Variants in OPHN1 observed in about 807,000 individuals in gnomAD.
The protein encoded by OPHN1 is oligophrenin-1.
In OPHN1, 11 loss-of-function variants were observed where a neutral mutation model predicts 60.7. The observed-to-expected ratio is 0.18, with a 90% CI of 0.11 to 0.30. OPHN1 has a LOEUF of 0.30. Ranked by LOEUF, OPHN1 falls within the 10% of genes least tolerant of loss-of-function variation. The probability of loss-of-function intolerance (pLI) is 1.00; values close to 1 mark genes in which losing one functional copy is unlikely to be tolerated. For missense variants in OPHN1, 449 were observed against 611.0 expected, an observed-to-expected ratio of 0.73 and a Z score of 2.80; for synonymous variants, 226 against 222.6, an observed-to-expected ratio of 1.02 and a Z score of -0.14.
At chrX:68,138,027 T>A (rs2077228123) in intron 15 of OPHN1, among the ~76,000 whole-genome samples, 1 of 111,935 alleles carries the variant, frequency 8.9e-6, no homozygotes, top group Admixed American at 9.5e-5. Context: ...AATATCTATC[T>A]CATATTGATT....
chrX:68,423,544 AC>A (rs2078840641), intron 2 of OPHN1, among the ~76,000 whole-genome samples: 1 of 110,093 alleles, frequency 9.1e-6, no homozygotes, highest in South Asian at 3.9e-4. Flanking sequence ...AATGTTCATG[AC>A]CCCAAAGAGA....
intron 5 of OPHN1, among the ~76,000 whole-genome samples, chrX:68,242,254 A>G (rs2077785325): frequency 1.9e-5 from 2 of 107,202 alleles, no homozygotes; most frequent in African/African-American, 6.8e-5. Context: ...GCAGTAGCAC[A>G]TGCCTGTATT....
intron 2 of OPHN1, among the ~76,000 whole-genome samples, chrX:68,364,660 C>G (rs958392865): frequency 2.7e-5 from 3 of 112,192 alleles, no homozygotes; most frequent in Non-Finnish European, 5.6e-5. Context: ...ATTAAGAGAT[C>G]AGAGTTCAGT....
chrX:68,050,380 T>C (rs1287861736), intron 23 of OPHN1, among the ~76,000 whole-genome samples: 5 of 111,280 alleles, frequency 4.5e-5, no homozygotes, highest in African/African-American at 1.6e-4. Context: ...GTGGGTAGAG[T>C]GATATTCTAG....
intron 19 of OPHN1, among the ~76,000 whole-genome samples, chrX:68,094,832 C>T (rs960957160): frequency 3.6e-5 from 4 of 110,944 alleles, no homozygotes; most frequent in African/African-American, 1.3e-4. Context: ...CTTGTTGTAC[C>T]GTGAATATGA....
At chrX:68,345,310 C>T (rs753660254) in intron 2 of OPHN1, among the ~76,000 whole-genome samples, 112 of 111,361 alleles carry the variant, frequency 1.0e-3, no homozygotes, top group Non-Finnish European at 1.3e-3. Flanking sequence ...ATATCTATAC[C>T]CTTTGACCAA....
At chrX:68,246,143 C>A (rs1602267373) in intron 5 of OPHN1, among the ~76,000 whole-genome samples, 1 of 111,765 alleles carries the variant, frequency 8.9e-6, no homozygotes, top group East Asian at 2.8e-4. Context: ...TATCCCCTTC[C>A]TACCACCACT....
At position 68,111,874 on chromosome X, in the gene OPHN1, A is replaced by T. The variant is rs142413712; in HGVS notation, c.1506T>A (p.Leu502=). The change falls in exon 18 of 25, where the codon CTT becomes CTA. Residue 502 remains leucine, a synonymous_variant. Transcript: ENST00000355520. ...LPEKNREMLE[L]LIRHLVNVCE... is the part of the protein sequence containing the mutation. ...CTTACTTGACCAAGTGTCTTATCAG[A>T]AGTTCCAGCATCTCTCGGTTCTTTT... The T allele has an allele frequency of 7.3e-5, 87 of 1,199,740 alleles. No individual in the cohort carries two copies. In the African/African-American group the frequency reaches 1.5e-3, roughly 21 times the overall value.
intron 2 of OPHN1, among the ~76,000 whole-genome samples, chrX:68,352,996 C>G (rs755133083): frequency 1.9e-4 from 20 of 107,175 alleles, no homozygotes; most frequent in South Asian, 4.2e-4. Flanking sequence ...TACAAAAATT[C>G]AAAAAATTAG....
At chrX:68,168,970 T>G (rs2077374672) in intron 15 of OPHN1, among the ~76,000 whole-genome samples, 1 of 111,463 alleles carries the variant, frequency 9.0e-6, no homozygotes, top group Non-Finnish European at 1.9e-5. Flanking sequence ...GTTGACTCTC[T>G]GAATAGACCA....
chrX:68,224,468 G>C (rs2077679731), intron 6 of OPHN1, among the ~76,000 whole-genome samples: 1 of 110,383 alleles, frequency 9.1e-6, no homozygotes, highest in Admixed American at 9.7e-5. Context: ...AACTCGCCTG[G>C]GCAACATGGT....
Position 68,427,277 on chromosome X carries a change from AAAC to A in OPHN1, c.154+5587_154+5589del, listed in dbSNP as rs776470382. Among the ~76,000 whole-genome samples, 737 of 108,897 alleles carry A rather than the reference AAAC, an allele frequency of 6.8e-3. 5 individuals carry two copies. Among genetic ancestry groups the A allele is most frequent in the African/African-American group, 0.024 (702 of 29,743 alleles). The allele number at this position is 108,897 out of a possible 115,157, so 94.6% of individuals were successfully genotyped here. On this transcript the variant is annotated intron_variant, in intron 2 of 24. Coordinates refer to ENST00000355520, the MANE Select transcript of OPHN1 (RefSeq NM_002547.3). Reference sequence around the variant, plus strand: ...CAGTGAACTCTGTCTCAAAAAAAAAAAACAACAACAACAACAAAAAATTCTGTT... The same window carrying A: ...CAGTGAACTCTGTCTCAAAAAAAAAAAACAACAACAACAAAAAATTCTGTT...
At chrX:68,304,735 C>G (rs1188540650) in intron 2 of OPHN1, among the ~76,000 whole-genome samples, 1 of 111,317 alleles carries the variant, frequency 9.0e-6, no homozygotes, top group African/African-American at 3.3e-5. Context: ...ATCTCCATCT[C>G]TGCAGTAACA....
chrX:68,254,879 G>A (rs189970704), intron 5 of OPHN1, among the ~76,000 whole-genome samples: 3 of 109,483 alleles, frequency 2.7e-5, no homozygotes, highest in Non-Finnish European at 5.7e-5. Context: ...TTAGCCAGGC[G>A]TGGTGGCATG....
At chrX:68,261,112 C>T (rs2077891174) in intron 5 of OPHN1, among the ~76,000 whole-genome samples, 1 of 111,498 alleles carries the variant, frequency 9.0e-6, no homozygotes, top group African/African-American at 3.3e-5. Flanking sequence ...ATAGCTTCCA[C>T]ACTAGCTCCC....
chrX:68,071,923 C>A (rs1202302255), intron 20 of OPHN1, among the ~76,000 whole-genome samples: 1 of 111,499 alleles, frequency 9.0e-6, no homozygotes, highest in Non-Finnish European at 1.9e-5. Flanking sequence ...AGAAGGCAAG[C>A]AATGATACCA....
At position 68,170,373 on chromosome X, in the gene OPHN1, G is replaced by A. The variant is rs1277355746; in HGVS notation, c.1276+22546C>T. ...TTCAACCCTTGTGGAAGTCAGTGTG[G>A]CGATTCCTCAGGGATCTAGAACTAG... is the stretch of plus-strand genomic sequence containing the variant. On this transcript the variant is annotated intron_variant, in intron 15 of 24. Transcript: ENST00000355520. 4.7e-5 allele frequency among the ~76,000 whole-genome samples: 5 copies of A among 107,144 alleles called. No individual in the cohort carries two copies. In the East Asian group the frequency reaches 1.5e-3, roughly 31 times the overall value. The allele number at this position is 107,144 out of a possible 115,157, so 93.0% of individuals were successfully genotyped here. A position where few individuals can be genotyped will look rare whatever the true frequency, so the allele number is the denominator to read the frequency against.
chrX:68,311,235 C>T lies in OPHN1; in HGVS notation c.155-12139G>A, dbSNP rs78784461. 2.2e-3 allele frequency among the ~76,000 whole-genome samples: 246 copies of T among 111,532 alleles called. 1 individual carries two copies. Among genetic ancestry groups the T allele is most frequent in the Middle Eastern group, 4.6e-3 (1 of 219 alleles). ...GGCTTGCAGTAAGCTATGATAGTGC[C>T]ACAGCACTCCAGGCTAGGCAACAGA... On this transcript the variant is annotated intron_variant, in intron 2 of 24. Transcript: ENST00000355520.
At chrX:68,154,733 T>C (rs1366213770) in intron 15 of OPHN1, among the ~76,000 whole-genome samples, 1 of 111,429 alleles carries the variant, frequency 9.0e-6, no homozygotes, top group East Asian at 2.8e-4. Context: ...CGTCTATGTA[T>C]TTCATATTTT....
Sources: allele counts gnomAD v4.1 joint callset (sites outside exome capture counted in the v4.1 genomes callset), GRCh38; gene constraint gnomAD v4.1.1; transcripts MANE v1.5; gene names NCBI Gene and HGNC (gene_info 2026-07-23, HGNC 2026-07-21).